The following PDE1C variants were observed in gnomAD, a reference collection of about 807,000 sequenced individuals.
PDE1C encodes the protein phosphodiesterase 1C.
A neutral mutation model predicts 93.1 loss-of-function variants in PDE1C; 62 were observed. That is an observed-to-expected ratio of 0.67 (90% confidence interval 0.54 to 0.82). PDE1C has a LOEUF of 0.82. Ranked by LOEUF, PDE1C falls within the 40% of genes least tolerant of loss-of-function variation. The probability of loss-of-function intolerance (pLI) is 0.00; values close to 1 mark genes in which losing one functional copy is unlikely to be tolerated. For missense variants in PDE1C, 742 were observed against 884.6 expected, an observed-to-expected ratio of 0.84 and a Z score of 2.04; for synonymous variants, 325 against 310.1, an observed-to-expected ratio of 1.05 and a Z score of -0.50.
the PDE1C span, among the ~76,000 whole-genome samples, chr7:31,726,160 T>C: frequency 3.3e-5 from 5 of 152,168 alleles, no homozygotes; most frequent in African/African-American, 9.7e-5. Flanking sequence ...CCTCAAACTC[T>C]TGGACCCAAG....
At chr7:31,886,100 T>G (rs1169160749) in intron 2 of PDE1C, among the ~76,000 whole-genome samples, 2 of 152,186 alleles carry the variant, frequency 1.3e-5, no homozygotes, top group Non-Finnish European at 1.5e-5. Context: ...GAACTGGATC[T>G]TTTACAGTAC....
chr7:32,358,694 A>G (rs1032682018), intron 1 of PDE1C, among the ~76,000 whole-genome samples: 4 of 152,194 alleles, frequency 2.6e-5, no homozygotes, highest in African/African-American at 9.7e-5. Context: ...TCACCGTTCT[A>G]TGAATGAGAA....
At chr7:32,372,437 T>A (rs1338557822) in intron 1 of PDE1C, among the ~76,000 whole-genome samples, 1 of 152,176 alleles carries the variant, frequency 6.6e-6, no homozygotes, top group African/African-American at 2.4e-5. Flanking sequence ...ACTGGATATC[T>A]ACATCCAAAT....
the PDE1C span, among the ~76,000 whole-genome samples, chr7:31,683,810 A>C: frequency 5.3e-5 from 8 of 152,180 alleles, no homozygotes; most frequent in African/African-American, 1.9e-4. Context: ...TTGTCTGGAA[A>C]TGCTCAATCA....
chr7:31,620,476 C>A, the PDE1C span, among the ~76,000 whole-genome samples: 1 of 151,130 alleles, frequency 6.6e-6, no homozygotes, highest in Non-Finnish European at 1.5e-5. Flanking sequence ...CTGCAGACAC[C>A]ACTGCTGATA....
the PDE1C span, among the ~76,000 whole-genome samples, chr7:31,620,651 A>G: frequency 6.6e-6 from 1 of 150,746 alleles, no homozygotes; most frequent in Admixed American, 6.6e-5. Context: ...AAAACCACAA[A>G]GATGGGGAAA....
chr7:31,676,603 G>A, the PDE1C span, among the ~76,000 whole-genome samples: 5 of 152,092 alleles, frequency 3.3e-5, no homozygotes, highest in South Asian at 1.0e-3. Context: ...GTTTGTGTGG[G>A]TGTGGGTGTG....
At chr7:32,407,101 CTG>C (rs1785068518) in intron 1 of PDE1C, among the ~76,000 whole-genome samples, 1 of 152,174 alleles carries the variant, frequency 6.6e-6, no homozygotes. Context: ...TGGTGAAACC[CTG>C]CCTCTACTAA....
At chr7:31,673,896 G>A in the PDE1C span, among the ~76,000 whole-genome samples, 4 of 152,140 alleles carry the variant, frequency 2.6e-5, no homozygotes, top group African/African-American at 4.8e-5. Flanking sequence ...TTAAATGATC[G>A]GAGTCCAACT....
the PDE1C span, among the ~76,000 whole-genome samples, chr7:31,727,118 A>G: frequency 6.6e-6 from 1 of 152,160 alleles, no homozygotes; most frequent in Non-Finnish European, 1.5e-5. Context: ...AATTCAGAAC[A>G]AAGCCATAGT....
chr7:31,686,332 T>C, the PDE1C span, among the ~76,000 whole-genome samples: 6 of 152,106 alleles, frequency 3.9e-5, no homozygotes, highest in Admixed American at 3.9e-4. Context: ...ACATAGAACC[T>C]TCCTCTCCAA....
intron 2 of PDE1C, among the ~76,000 whole-genome samples, chr7:31,916,391 A>C (rs1013964184): frequency 6.6e-6 from 1 of 152,202 alleles, no homozygotes; most frequent in African/African-American, 2.4e-5. Context: ...GATAACTATG[A>C]TATAGCTGTA....
intron 5 of PDE1C, among the ~76,000 whole-genome samples, chr7:31,876,013 T>C (rs1185810590): frequency 6.6e-6 from 1 of 151,554 alleles, no homozygotes; most frequent in South Asian, 2.1e-4. Flanking sequence ...GGAAAATTTC[T>C]GTAATAAAAG....
At chr7:31,909,895 CTT>C (rs139570382) in intron 2 of PDE1C, among the ~76,000 whole-genome samples, 15,637 of 152,030 alleles carry the variant, frequency 0.1, 1,178 homozygotes, top group Non-Finnish European at 0.15. Context: ...CTAGATAACT[CTT>C]TGTTGTGGGG....
intron 1 of PDE1C, among the ~76,000 whole-genome samples, chr7:32,298,055 TCTCTCTCTCCC>T (rs1812735249): frequency 1.3e-5 from 1 of 75,770 alleles, no homozygotes; most frequent in Non-Finnish European, 2.3e-5. Context: ...TCTCTCTCTC[TCTCTCTCTCCC>T]CTCTCTCTCT....
chr7:31,735,484 C>T, the PDE1C span, among the ~76,000 whole-genome samples: 34 of 151,734 alleles, frequency 2.2e-4, no homozygotes, highest in African/African-American at 8.0e-4. Context: ...CCTGCTATTG[C>T]CTCATCAAAC....
the PDE1C span, chr7:31,653,059 A>G: frequency 9.1e-7 from 1 of 1,095,304 alleles, no homozygotes; most frequent in Non-Finnish European, 1.2e-6. Context: ...TGCAACAGTG[A>G]CTAAATAGTA....
the PDE1C span, among the ~76,000 whole-genome samples, chr7:31,694,605 G>A: frequency 2.8e-3 from 422 of 152,158 alleles, 1 homozygote; most frequent in African/African-American, 9.7e-3. Flanking sequence ...ATTACAAAAA[G>A]ACTATAATCC....
At chr7:32,061,167 T>C (rs1452285676) in intron 1 of PDE1C, among the ~76,000 whole-genome samples, 2 of 152,232 alleles carry the variant, frequency 1.3e-5, no homozygotes, top group Admixed American at 6.5e-5. Flanking sequence ...GGATATCCAA[T>C]TGTGACTTTC....
Sources: allele counts gnomAD v4.1 joint callset (sites outside exome capture counted in the v4.1 genomes callset), GRCh38; gene constraint gnomAD v4.1.1; transcripts MANE v1.5; gene names NCBI Gene and HGNC (gene_info 2026-07-23, HGNC 2026-07-21).